The following GPR63 variants were observed in gnomAD, a reference collection of about 807,000 sequenced individuals.
GPR63 encodes probable G protein-coupled receptor 63.
Under a neutral mutation model 23.1 loss-of-function variants are expected in GPR63, and 12 were observed. That is an observed-to-expected ratio of 0.52 (90% CI 0.33 to 0.84). GPR63 has a LOEUF of 0.84. Ranked by LOEUF, GPR63 falls within the 40% of genes least tolerant of loss-of-function variation. GPR63 has a pLI of 0.02. For synonymous variants in GPR63, 172 were observed against 191.1 expected, an observed-to-expected ratio of 0.90 and a Z score of 0.82; for missense variants, 472 against 515.6, an observed-to-expected ratio of 0.92 and a Z score of 0.82.
rs141752901 is a variant in GPR63 at position 96,814,636 on chromosome 6, A to G, written c.-150-14755T>C. ...CTGCTTCTCACATAACCTACAGAAG[A>G]GAACGGTACTTTCATTCCACTTAAT... On this transcript the variant is annotated intron_variant, in intron 1 of 1. Coordinates refer to ENST00000229955, the MANE Select transcript of GPR63 (RefSeq NM_030784.4). 4.9e-3 allele frequency among the ~76,000 whole-genome samples: 745 copies of G among 152,316 alleles called. 7 individuals are homozygous for G. The highest frequency in any genetic ancestry group is 0.017 in the African/African-American group (712 of 41,556).
chr6:96,813,124 A>C (rs946072978), intron 1 of GPR63, among the ~76,000 whole-genome samples: 5 of 152,180 alleles, frequency 3.3e-5, no homozygotes, highest in African/African-American at 1.2e-4. Flanking sequence ...TAGCCTATTT[A>C]ATTTACCATA....
intron 1 of GPR63, among the ~76,000 whole-genome samples, chr6:96,817,656 G>T (rs1277901187): frequency 6.6e-6 from 1 of 152,034 alleles, no homozygotes; most frequent in Non-Finnish European, 1.5e-5. Context: ...ATACTACACA[G>T]CCACGAAAAT....
intron 1 of GPR63, among the ~76,000 whole-genome samples, chr6:96,825,152 C>T (rs1205537887): frequency 1.3e-5 from 2 of 152,040 alleles, no homozygotes; most frequent in South Asian, 2.1e-4. Context: ...TTGACTAACA[C>T]CAGAAAGTGA....
chr6:96,836,001 T>A (rs1774717885), intron 1 of GPR63, among the ~76,000 whole-genome samples: 1 of 152,198 alleles, frequency 6.6e-6, no homozygotes, highest in Non-Finnish European at 1.5e-5. Context: ...TGAATGCTCA[T>A]AATTGATGTA....
intron 1 of GPR63, among the ~76,000 whole-genome samples, chr6:96,820,214 G>A (rs932814015): frequency 8.6e-5 from 13 of 151,896 alleles, no homozygotes; most frequent in African/African-American, 2.7e-4. Flanking sequence ...TAGGAAATAC[G>A]TTAAGACAGC....
At chr6:96,808,723 C>T (rs1773963215) in intron 1 of GPR63, among the ~76,000 whole-genome samples, 1 of 152,108 alleles carries the variant, frequency 6.6e-6, no homozygotes, top group Non-Finnish European at 1.5e-5. Flanking sequence ...AAAAGTGGGA[C>T]ACCTACACTG....
In GPR63 at chr6:96,798,993, A is replaced by G; in HGVS notation, c.739T>C (p.Ser247Pro). ...AAGGGTATGAAGAAAGAAATGAGAG[A>G]AATCAAAATCACATAAGCCTGGTAG... The part of the protein sequence containing the change: ...PGYQAYVILI[S>P]LISFFIPFLV... The change falls in exon 2 of 2, where the codon TCT becomes CCT. Residue 247 changes from serine to proline, a missense_variant. Ser to Pro is a moderately conservative substitution (Grantham distance 74). Coordinates refer to ENST00000229955, the MANE Select transcript of GPR63 (RefSeq NM_030784.4). The G allele has an allele frequency of 6.2e-7, 1 of 1,614,142 alleles. No individual in the cohort carries two copies. Among genetic ancestry groups the G allele is most frequent in the Non-Finnish European group, 8.5e-7 (1 of 1,180,016 alleles).
chr6:96,834,154 T>C (rs939948829), intron 1 of GPR63, among the ~76,000 whole-genome samples: 1 of 152,220 alleles, frequency 6.6e-6, no homozygotes, highest in Non-Finnish European at 1.5e-5. Context: ...CATTTTATCC[T>C]ATGTGTCAAA....
chr6:96,830,889 A>G (rs1774563339), intron 1 of GPR63, among the ~76,000 whole-genome samples: 1 of 152,196 alleles, frequency 6.6e-6, no homozygotes, highest in Non-Finnish European at 1.5e-5. Flanking sequence ...GTGATACTCA[A>G]CTGATTTCAA....
In GPR63 at chr6:96,799,320, C is replaced by G. The variant is rs748320161; in HGVS notation, c.412G>C (p.Ala138Pro). 6.2e-7 allele frequency: 1 copy of G among 1,614,076 alleles called. No homozygotes were observed. The highest frequency in any genetic ancestry group is 8.5e-7 in the Non-Finnish European group (1 of 1,180,026). ...MLLAVLNMPF[A>P]LVTILTTRWI... ...CGGGTAGTAAGAATAGTTACCAGGG[C>G]AAAGGGCATGTTCAGCACTGCAAGC... Residue 138 changes from alanine to proline, a missense_variant, in exon 2 of 2, where the codon GCC (alanine) becomes CCC (proline). Ala to Pro is a conservative substitution (Grantham distance 27). Coordinates refer to ENST00000229955, the MANE Select transcript of GPR63 (RefSeq NM_030784.4).
Position 96,798,498 on chromosome 6 carries a change from A to T in GPR63, c.1234T>A (p.Cys412Ser). 1 of 1,613,942 alleles carries T rather than the reference A, an allele frequency of 6.2e-7. No individual in the cohort carries two copies. The highest frequency in any genetic ancestry group is 8.5e-7 in the Non-Finnish European group (1 of 1,179,834). The part of the protein sequence containing the change: ...RRIRPSAVYV[C>S]GEHRTVV The stretch of plus-strand genomic sequence containing the variant: ...CACACCACCGTCCGATGTTCCCCAC[A>T]CACATAGACAGCACTAGGACGTATC... Residue 412 changes from cysteine (C) to serine (S), a missense_variant, in exon 2 of 2, where the codon TGT becomes AGT. Transcript: ENST00000229955.
At chr6:96,823,890 A>C (rs11758294) in intron 1 of GPR63, among the ~76,000 whole-genome samples, 4,956 of 152,252 alleles carry the variant, frequency 0.033, 123 homozygotes, top group Middle Eastern at 0.071. Context: ...AATAGCCTAC[A>C]CCATAATATA....
chr6:96,804,828 T>C (rs1017668680), intron 1 of GPR63, among the ~76,000 whole-genome samples: 8 of 152,198 alleles, frequency 5.3e-5, no homozygotes, highest in African/African-American at 1.7e-4. Context: ...AAATCTTTAT[T>C]TGAAACTTCT....
intron 1 of GPR63, among the ~76,000 whole-genome samples, chr6:96,808,748 A>G (rs1031452166): frequency 6.6e-5 from 10 of 152,174 alleles, no homozygotes; most frequent in Admixed American, 3.3e-4. Flanking sequence ...CCAGTCAACT[A>G]AACAGGGCCA....
chr6:96,807,580 C>T (rs999134401), intron 1 of GPR63, among the ~76,000 whole-genome samples: 2 of 152,172 alleles, frequency 1.3e-5, no homozygotes, highest in Non-Finnish European at 2.9e-5. Context: ...CAATATCCTA[C>T]ACATATCAGA....
intron 1 of GPR63, among the ~76,000 whole-genome samples, chr6:96,819,970 G>A (rs1426217760): frequency 2.1e-5 from 2 of 93,242 alleles, no homozygotes; most frequent in Non-Finnish European, 3.8e-5. Flanking sequence ...GCGAGACTCT[G>A]TCTCAAAAAA....
chr6:96,810,294 G>A (rs989268677), intron 1 of GPR63, among the ~76,000 whole-genome samples: 5 of 152,038 alleles, frequency 3.3e-5, no homozygotes, highest in Non-Finnish European at 7.4e-5. Context: ...TTAAGAGCTC[G>A]AGACCAGTCT....
At position 96,794,145 on chromosome 6, in the gene GPR63, ATTTTC is replaced by A. The variant is rs1294342673; in HGVS notation, c.*4322_*4326del. The stretch of plus-strand genomic sequence containing the variant: ...CTTTAGAAATGTTAAATATTTATTT[ATTTTC>A]TTATCAGGAGTTCTTTTCTTGGTTG... On this transcript the variant is annotated 3_prime_UTR_variant, in exon 2 of 2. Transcript: ENST00000229955. 1 of 151,980 alleles carries A rather than the reference ATTTTC, an allele frequency of 6.6e-6. No homozygotes were observed. The highest frequency in any genetic ancestry group is 2.4e-5 in the African/African-American group (1 of 41,408). The allele number at this position is 151,980 out of a possible 1,614,324, so 9.4% of individuals were successfully genotyped here.
intron 1 of GPR63, among the ~76,000 whole-genome samples, chr6:96,813,718 G>A (rs1774096845): frequency 6.6e-6 from 1 of 152,180 alleles, no homozygotes; most frequent in Non-Finnish European, 1.5e-5. Flanking sequence ...CTAACGCTGA[G>A]AATGGGTTGT....
Sources: allele counts gnomAD v4.1 joint callset (sites outside exome capture counted in the v4.1 genomes callset), GRCh38; gene constraint gnomAD v4.1.1; transcripts MANE v1.5; gene names NCBI Gene and HGNC (gene_info 2026-07-23, HGNC 2026-07-21).